The following CATSPERG variants were observed in gnomAD, a reference collection of about 807,000 sequenced individuals.
CATSPERG encodes cation channel sperm-associated auxiliary subunit gamma.
A neutral mutation model predicts 145.0 loss-of-function variants in CATSPERG; 115 were observed. The observed-to-expected ratio is 0.79, with a 90% CI of 0.68 to 0.93. The LOEUF (loss-of-function observed/expected upper bound fraction) is 0.93, where lower values mean the gene tolerates loss of function less well. Among genes scored for constraint, CATSPERG ranks in the 40% least tolerant of loss-of-function variants. The pLI, the probability that CATSPERG is intolerant of heterozygous loss-of-function variation, is 0.00. For synonymous variants in CATSPERG, 588 were observed against 589.0 expected, an observed-to-expected ratio of 1.00 and a Z score of 0.02; for missense variants, 1,296 against 1,490.1, an observed-to-expected ratio of 0.87 and a Z score of 2.14.
chr19:38,359,674 G>GA, intron 14 of CATSPERG, 93 bp downstream of exon 14: 1 of 1,495,478 alleles, frequency 6.7e-7, no homozygotes, highest in Non-Finnish European at 9.0e-7. Context: ...GGAGCCAAGG[G>GA]AAGGGGGCAC....
At position 38,362,283 on chromosome 19, in the gene CATSPERG, C is replaced by G. The variant is rs113613127; in HGVS notation, c.2157+11C>G. On this transcript the variant is annotated intron_variant, in intron 18 of 28. Transcript: ENST00000409235. ...AACAAACAAGACCAGGTAGGCGGAG[C>G]GGATTGGGAGCCGGGAAAGGGGCGG... The G allele has an allele frequency of 1.0e-4, 169 of 1,613,508 alleles. 2 individuals are homozygous for G. In the African/African-American group the frequency reaches 1.6e-3, roughly 15 times the overall value.
intron 4 of CATSPERG, 41 bp downstream of exon 4, chr19:38,343,765 G>C: frequency 6.5e-7 from 1 of 1,536,666 alleles, no homozygotes; most frequent in African/African-American, 1.4e-5. Flanking sequence ...ACCTGGCAGG[G>C]GTGTGGGGTT....
In CATSPERG at chr19:38,362,221, C is replaced by T. The variant is rs757735931; in HGVS notation, c.2106C>T (p.Asp702=). Residue 702 remains aspartate (D), a synonymous_variant, in exon 18 of 29, where the codon GAC becomes GAT. Transcript: ENST00000409235. Reference sequence around the variant, plus strand: ...GGCGATCCCTGCAGCCGTACGCGGACCCGGTGCACGACCCCACCTGGCGCT... The same window carrying T: ...GGCGATCCCTGCAGCCGTACGCGGATCCGGTGCACGACCCCACCTGGCGCT... The part of the protein sequence containing the change: ...LHSVYDKPYA[D]PVHDPTWRWW... The T allele has an allele frequency of 6.2e-7, 1 of 1,602,982 alleles. No individual in the cohort carries two copies. Among genetic ancestry groups the T allele is most frequent in the Non-Finnish European group, 8.5e-7 (1 of 1,174,900 alleles).
rs766441123 is a variant in CATSPERG at position 38,370,199 on chromosome 19, T to C, written c.3154T>C (p.Phe1052Leu). 42 of 1,613,782 alleles carry C rather than the reference T, an allele frequency of 2.6e-5. No homozygotes were observed. The highest frequency in any genetic ancestry group is 1.1e-5 in the Non-Finnish European group (13 of 1,180,034). Residue 1052 changes from phenylalanine (F) to leucine (L), a missense_variant, in exon 28 of 29, where the codon TTC becomes CTC. Phe to Leu is a conservative substitution (Grantham distance 22). Transcript: ENST00000409235. ...TSTYCNYQLTFLLHIHGLPLS... is the reference protein window; with the variant it reads ...TSTYCNYQLTLLLHIHGLPLS... ...CACCTACTGCAACTACCAGCTCACC[T>C]TCCTGCTGCACATCCACGGGCTGCC...
At chr19:38,348,103 C>T (rs556860001) in intron 7 of CATSPERG, among the ~76,000 whole-genome samples, 1 of 152,286 alleles carries the variant, frequency 6.6e-6, no homozygotes, top group East Asian at 1.9e-4. Context: ...ATCTTCCTGT[C>T]CTGTGTCAGC....
Position 38,367,497 on chromosome 19 carries a change from C to T in CATSPERG, c.2771-12C>T. The T allele has an allele frequency of 6.2e-7, 1 of 1,613,756 alleles. No homozygotes were observed. The highest frequency in any genetic ancestry group is 8.5e-7 in the Non-Finnish European group (1 of 1,179,718). On this transcript the variant is annotated splice_polypyrimidine_tract_variant and intron_variant, in intron 23 of 28. Coordinates refer to ENST00000409235, the MANE Select transcript of CATSPERG (RefSeq NM_021185.5). ...TTTCTTCTTCTGGTCTCAATCCCCTCCAACCCCATAGTTTTCTACCCCTTC... is the reference window on the plus strand; with the variant it reads ...TTTCTTCTTCTGGTCTCAATCCCCTTCAACCCCATAGTTTTCTACCCCTTC...
chr19:38,357,096 T>C (rs755480801), intron 11 of CATSPERG, among the ~76,000 whole-genome samples: 5 of 152,154 alleles, frequency 3.3e-5, no homozygotes, highest in Non-Finnish European at 7.4e-5. Flanking sequence ...AGGGCCCCTA[T>C]GTAGATTTGT....
At chr19:38,347,696 T>C (rs775236604) in intron 7 of CATSPERG, among the ~76,000 whole-genome samples, 8 of 152,272 alleles carry the variant, frequency 5.3e-5, no homozygotes, top group Admixed American at 1.3e-4. Context: ...ATCCCAGCAC[T>C]TTGGGAGACC....
At chr19:38,344,901 ATTTTT>A (rs1158525255) in intron 6 of CATSPERG, among the ~76,000 whole-genome samples, 3 of 80,016 alleles carry the variant, frequency 3.7e-5, no homozygotes, top group East Asian at 5.1e-4. Flanking sequence ...ATATATATAT[ATTTTT>A]TTTTTTTTTT....
Position 38,364,918 on chromosome 19 carries a change from T to G in CATSPERG, c.2503T>G (p.Tyr835Asp). 6.2e-7 allele frequency: 1 copy of G among 1,614,168 alleles called. No homozygotes were observed. The change falls in exon 21 of 29, where the codon TAT (tyrosine) becomes GAT (aspartate). Residue 835 changes from tyrosine (Y) to aspartate (D), a missense_variant. By Grantham distance (160) the Tyr-to-Asp change is radical. Transcript: ENST00000409235. Reference sequence around the variant, plus strand: ...TACGCTCAAGGATAAAAAGCTTTGCTATGACCAAGGCATTAGTGGACATCA... The same window carrying G: ...TACGCTCAAGGATAAAAAGCTTTGCGATGACCAAGGCATTAGTGGACATCA... ...SITLKDKKLC[Y>D]DQGISGHHLM...
In CATSPERG at chr19:38,358,042, G is replaced by A. The variant is rs554333709; in HGVS notation, c.1316-236G>A. 1.1e-4 allele frequency: 55 copies of A among 515,928 alleles called. 1 individual carries two copies. In the South Asian group the frequency reaches 1.2e-3, roughly 12 times the overall value. The allele number at this position is 515,928 out of a possible 1,614,324, so 32.0% of individuals were successfully genotyped here. The stretch of plus-strand genomic sequence containing the variant: ...CTGAGGTGGGAGGATCACTTGAACC[G>A]AGGAGGCAGAAGTTGCAGTGAGCTG... On this transcript the variant is annotated intron_variant, in intron 11 of 28. Transcript: ENST00000409235.
intron 20 of CATSPERG, among the ~76,000 whole-genome samples, chr19:38,364,420 C>A (rs1265140879): frequency 1.3e-5 from 2 of 151,998 alleles, no homozygotes; most frequent in Non-Finnish European, 2.9e-5. Flanking sequence ...CGGGCAGAGA[C>A]GCTCCTCACT....
chr19:38,365,003 G>T (rs1169470259), intron 21 of CATSPERG, 32 bp downstream of exon 21: 15 of 1,613,638 alleles, frequency 9.3e-6, no homozygotes, highest in Non-Finnish European at 1.3e-5. Context: ...GAGGGTGCAG[G>T]ATGGTGGGAA....
chr19:38,352,209 G>A (rs2145084050), intron 7 of CATSPERG, 52 bp from the exon 8 acceptor site: 2 of 1,528,832 alleles, frequency 1.3e-6, no homozygotes, highest in East Asian at 2.5e-5. Flanking sequence ...GGCAGGACAT[G>A]GGGGCTGAGG....
intron 8 of CATSPERG, among the ~76,000 whole-genome samples, chr19:38,354,384 A>G (rs1970207020): frequency 6.6e-6 from 1 of 152,198 alleles, no homozygotes; most frequent in Non-Finnish European, 1.5e-5. Context: ...GCCCCTCAGT[A>G]GCCCCAGAAA....
At chr19:38,336,431 G>A (rs1969837672) in intron 1 of CATSPERG, 1 of 320,172 alleles carries the variant, frequency 3.1e-6, no homozygotes, top group African/African-American at 2.2e-5. Context: ...TAAAGACCAA[G>A]TGGAGGAGTA....
chr19:38,349,696 G>T (rs559545813), intron 7 of CATSPERG: 17 of 152,326 alleles, frequency 1.1e-4, no homozygotes, highest in South Asian at 2.0e-4. Flanking sequence ...ACAGAGTCTC[G>T]CTCTGTTGCC....
chr19:38,353,728 C>T (rs1970192163), intron 8 of CATSPERG, among the ~76,000 whole-genome samples: 1 of 141,722 alleles, frequency 7.1e-6, no homozygotes, highest in African/African-American at 2.6e-5. Context: ...AAAGGCCAGG[C>T]GCGGTGGCTC....
At chr19:38,336,926 A>C in intron 1 of CATSPERG, 1 of 493,724 alleles carries the variant, frequency 2.0e-6, no homozygotes, top group Non-Finnish European at 3.7e-6. Context: ...CAGAGGTGCG[A>C]TACCCACGAG....
Sources: gnomAD v4.1 joint callset for allele counts (sites outside exome capture counted in the v4.1 genomes callset) on GRCh38, gnomAD v4.1.1 for gene constraint, MANE v1.5 for transcripts, NCBI Gene and HGNC (gene_info 2026-07-23, HGNC 2026-07-21) for gene names.